CADM2: variants seen among roughly 807,000 people sequenced by gnomAD.
CADM2 encodes the protein immunoglobulin superfamily member 4D.
In CADM2, 12 loss-of-function variants were observed where a neutral mutation model predicts 49.8. That is an observed-to-expected ratio of 0.24 (90% CI 0.15 to 0.39). The LOEUF is 0.39. Among genes scored for constraint, CADM2 ranks in the 10% least tolerant of loss-of-function variants. CADM2 has a pLI of 1.00. For synonymous variants in CADM2, 214 were observed against 175.4 expected (o/e 1.22, Z -1.74); for missense variants, 378 against 492.3 (o/e 0.77, Z 2.20).
intron 1 of CADM2, among the ~76,000 whole-genome samples, chr3:85,433,034 CT>C (rs2036755525): frequency 6.6e-6 from 1 of 151,896 alleles, no homozygotes; most frequent in South Asian, 2.1e-4. Context: ...ACATTTCATG[CT>C]ATTTAATTAG....
chr3:85,850,412 C>T (rs1349680485), intron 3 of CADM2, among the ~76,000 whole-genome samples: 1 of 150,436 alleles, frequency 6.6e-6, no homozygotes, highest in Non-Finnish European at 1.5e-5. Flanking sequence ...GCAAGCTCCG[C>T]CTCCCGGGTT....
chr3:85,080,292 T>G (rs2037114737), intron 1 of CADM2, among the ~76,000 whole-genome samples: 1 of 152,032 alleles, frequency 6.6e-6, no homozygotes, highest in African/African-American at 2.4e-5. Context: ...AGTATTTCAC[T>G]GTGTAGTCAC....
rs6763788 is a variant in CADM2, at chr3:85,926,816, T to A, written c.701-8951T>A. 2.6e-3 allele frequency among the ~76,000 whole-genome samples: 396 copies of A among 152,306 alleles called. 1 individual carries two copies. The highest frequency in any genetic ancestry group is 9.2e-3 in the African/African-American group (382 of 41,572). On this transcript the variant is annotated intron_variant, in intron 6 of 9. Coordinates refer to ENST00000383699, the MANE Select transcript of CADM2 (RefSeq NM_001167675.2). ...GAGAGTGTACACAATATGCAGATCA[T>A]ATAGAGCCAAAGCCTTGGGCTGGCT... is the stretch of plus-strand genomic sequence containing the variant.
chr3:85,097,749 C>G (rs1575856511), intron 1 of CADM2, among the ~76,000 whole-genome samples: 1 of 152,204 alleles, frequency 6.6e-6, no homozygotes, highest in Admixed American at 6.5e-5. Context: ...ATTATCTGCC[C>G]TAGCAGACTG....
At chr3:85,698,300 G>A (rs1370289544) in intron 1 of CADM2, among the ~76,000 whole-genome samples, 1 of 152,202 alleles carries the variant, frequency 6.6e-6, no homozygotes, top group Admixed American at 6.5e-5. Context: ...ATAACATCAA[G>A]TAGTCAGACT....
Position 85,961,631 on chromosome 3 carries a change from T to C in CADM2, c.954T>C (p.Tyr318=). Residue 318 remains tyrosine (Y), a synonymous_variant, in exon 8 of 10, where the codon TAT becomes TAC. Coordinates refer to ENST00000383699, the MANE Select transcript of CADM2 (RefSeq NM_001167675.2). ...CCATTGGCCAAAGCAGTGCGGAATA[T>C]GTTCTCATTGTGCATGGTGAGTAAA... ...TNTIGQSSAE[Y]VLIVHDPNAL... is the part of the protein sequence containing the mutation. 6.4e-7 allele frequency: 1 copy of C among 1,568,790 alleles called. No individual in the cohort carries two copies. Among genetic ancestry groups the C allele is most frequent in the Non-Finnish European group, 8.7e-7 (1 of 1,148,732 alleles).
intron 2 of CADM2, among the ~76,000 whole-genome samples, chr3:85,788,482 AT>A (rs149915837): frequency 0.051 from 7,708 of 152,044 alleles, 544 homozygotes; most frequent in African/African-American, 0.16. Context: ...AATTATTTTA[AT>A]TTTTTACAGA....
intron 1 of CADM2, among the ~76,000 whole-genome samples, chr3:85,165,842 T>C (rs1268654999): frequency 1.3e-5 from 2 of 151,822 alleles, no homozygotes; most frequent in Admixed American, 1.3e-4. Context: ...GTTCTCTGAA[T>C]CTAATATTCT....
intron 8 of CADM2, among the ~76,000 whole-genome samples, chr3:85,972,572 G>A (rs1450256174): frequency 2.0e-5 from 3 of 151,644 alleles, no homozygotes; most frequent in Non-Finnish European, 4.4e-5. Context: ...AAGCAGCTTG[G>A]GCTTCTGGGA....
intron 1 of CADM2, among the ~76,000 whole-genome samples, chr3:85,004,255 C>T (rs1454053900): frequency 2.0e-5 from 3 of 152,090 alleles, no homozygotes; most frequent in African/African-American, 4.8e-5. Context: ...TGCTGGTTAA[C>T]ACATACATAA....
At chr3:86,013,826 T>G (rs2106937427) in intron 8 of CADM2, 1 of 1,590,830 alleles carries the variant, frequency 6.3e-7, no homozygotes, top group East Asian at 2.2e-5. Context: ...GTGGTCAGGC[T>G]TACATTGTGT....
At chr3:86,059,911 T>G (rs1394881485) in intron 8 of CADM2, among the ~76,000 whole-genome samples, 1 of 152,158 alleles carries the variant, frequency 6.6e-6, no homozygotes, top group Non-Finnish European at 1.5e-5. Flanking sequence ...AAAATATTAC[T>G]TTTTTAAAAA....
At chr3:85,686,075 C>T (rs561591169) in intron 1 of CADM2, among the ~76,000 whole-genome samples, 3 of 152,310 alleles carry the variant, frequency 2.0e-5, no homozygotes, top group African/African-American at 4.8e-5. Flanking sequence ...TCCATGTTAA[C>T]ACATGCATTT....
At chr3:85,296,689 C>T (rs1004085352) in intron 1 of CADM2, among the ~76,000 whole-genome samples, 3 of 152,054 alleles carry the variant, frequency 2.0e-5, no homozygotes, top group Non-Finnish European at 2.9e-5. Flanking sequence ...CAGCTTCATT[C>T]TCATTATTCC....
intron 3 of CADM2, among the ~76,000 whole-genome samples, chr3:85,873,282 A>C (rs575018322): frequency 2.0e-5 from 3 of 152,202 alleles, no homozygotes; most frequent in Non-Finnish European, 4.4e-5. Context: ...GTATAAATAG[A>C]ATTGTTAAAA....
intron 1 of CADM2, among the ~76,000 whole-genome samples, chr3:85,596,127 C>A (rs1368151365): frequency 6.6e-6 from 1 of 151,560 alleles, no homozygotes; most frequent in Non-Finnish European, 1.5e-5. Flanking sequence ...ATTATGCATT[C>A]TTGGCCCATC....
In CADM2 at chr3:85,104,442, T is replaced by C. The variant is rs370697266; in HGVS notation, c.61+144774T>C. ...TGGTACCAGTACCATGCTGTTTTGG[T>C]ACCAGTACCATGCTGTTTTGGTTAC... is the stretch of plus-strand genomic sequence containing the variant. On this transcript the variant is annotated intron_variant, in intron 1 of 9. Transcript: ENST00000383699. Among the ~76,000 whole-genome samples the C allele has an allele frequency of 1.4e-4, 21 of 152,320 alleles. No individual in the cohort carries two copies. The East Asian group carries it at 2.9e-3, about 21-fold the overall frequency.
At chr3:86,062,242 G>A (rs1738746975) in intron 8 of CADM2, among the ~76,000 whole-genome samples, 1 of 152,090 alleles carries the variant, frequency 6.6e-6, no homozygotes, top group African/African-American at 2.4e-5. Flanking sequence ...TGAGCAAGAG[G>A]TGGATTTTTG....
chr3:86,064,324 G>C (rs1430906099), intron 8 of CADM2, among the ~76,000 whole-genome samples: 2 of 151,946 alleles, frequency 1.3e-5, no homozygotes, highest in Non-Finnish European at 2.9e-5. Flanking sequence ...TTGTCCTTGC[G>C]ATAGTTTGCT....
Sources: gnomAD v4.1 joint callset for allele counts (sites outside exome capture counted in the v4.1 genomes callset) on GRCh38, gnomAD v4.1.1 for gene constraint, MANE v1.5 for transcripts, NCBI Gene and HGNC (gene_info 2026-07-23, HGNC 2026-07-21) for gene names.